CRACD: variants seen among roughly 807,000 people sequenced by gnomAD.
CRACD encodes capping protein inhibiting regulator of actin dynamics.
In CRACD, 56 loss-of-function variants were observed where a neutral mutation model predicts 106.8. The observed-to-expected ratio is 0.52, with a 90% CI of 0.42 to 0.66. The LOEUF (loss-of-function observed/expected upper bound fraction) is 0.66, where lower values mean the gene tolerates loss of function less well. CRACD is among the 30% of genes least tolerant of loss of function. The probability of loss-of-function intolerance (pLI) is 0.00; values close to 1 mark genes in which losing one functional copy is unlikely to be tolerated. For missense variants in CRACD, 1,730 were observed against 1,623.2 expected, an observed-to-expected ratio of 1.07 and a Z score of -1.13; for synonymous variants, 754 against 670.8, an observed-to-expected ratio of 1.12 and a Z score of -1.92.
chr4:56,207,324 G>A lies in CRACD; in HGVS notation c.-189+27894G>A, dbSNP rs570000663. Among the ~76,000 whole-genome samples the A allele has an allele frequency of 2.0e-5, 3 of 152,280 alleles. No homozygotes were observed. The East Asian group carries it at 5.8e-4, about 29-fold the overall frequency. On this transcript the variant is annotated intron_variant, in intron 2 of 10. Coordinates refer to ENST00000682029, the MANE Select transcript of CRACD (RefSeq NM_001393381.1). ...CCTTTACAGTAGAACCTGTTATGGA[G>A]CCTATGATGAGAGGTAAATTTCTAA...
At chr4:56,159,607 G>A (rs1279670889) in intron 1 of CRACD, among the ~76,000 whole-genome samples, 4 of 152,062 alleles carry the variant, frequency 2.6e-5, no homozygotes, top group South Asian at 2.1e-4. Context: ...AGCCAAGATC[G>A]TGCCACTGCA....
At chr4:56,050,995 T>G (rs1158055170) in intron 1 of CRACD, among the ~76,000 whole-genome samples, 1 of 152,196 alleles carries the variant, frequency 6.6e-6, no homozygotes, top group Non-Finnish European at 1.5e-5. Context: ...CTTCATAAAC[T>G]ACAAAGCACT....
At chr4:56,097,687 T>C (rs2109827641) in intron 1 of CRACD, among the ~76,000 whole-genome samples, 1 of 152,060 alleles carries the variant, frequency 6.6e-6, no homozygotes, top group African/African-American at 2.4e-5. Flanking sequence ...GGCTAAGAAA[T>C]TTGAGGACAA....
At chr4:56,251,239 G>T (rs1256589805) in intron 2 of CRACD, among the ~76,000 whole-genome samples, 1 of 152,128 alleles carries the variant, frequency 6.6e-6, no homozygotes, top group African/African-American at 2.4e-5. Flanking sequence ...TAGACATCAG[G>T]CTGAGAGTCG....
chr4:56,161,794 C>G (rs1466180725), intron 1 of CRACD, among the ~76,000 whole-genome samples: 1 of 145,068 alleles, frequency 6.9e-6, no homozygotes, highest in Non-Finnish European at 1.5e-5. Flanking sequence ...GATGGAGTCT[C>G]GCTCTGTTGC....
chr4:56,190,613 T>C (rs942502182), intron 2 of CRACD, among the ~76,000 whole-genome samples: 4 of 152,248 alleles, frequency 2.6e-5, no homozygotes, highest in East Asian at 1.9e-4. Context: ...AGAGGTGGGC[T>C]TCTATGGCCT....
intron 2 of CRACD, among the ~76,000 whole-genome samples, chr4:56,187,362 A>AG (rs1220760290): frequency 6.6e-6 from 1 of 152,006 alleles, no homozygotes; most frequent in Non-Finnish European, 1.5e-5. Flanking sequence ...CAGACACTCG[A>AG]GGGGGGCACA....
At chr4:56,166,187 G>A (rs1183647024) in intron 1 of CRACD, among the ~76,000 whole-genome samples, 2 of 152,136 alleles carry the variant, frequency 1.3e-5, no homozygotes, top group African/African-American at 4.8e-5. Context: ...TTGGAAGGCA[G>A]TTTGCATTCT....
At chr4:56,063,388 A>G (rs1732349069) in intron 1 of CRACD, among the ~76,000 whole-genome samples, 1 of 152,124 alleles carries the variant, frequency 6.6e-6, no homozygotes, top group South Asian at 2.1e-4. Context: ...TAAAATATAT[A>G]TAACAAAAAT....
intron 2 of CRACD, among the ~76,000 whole-genome samples, chr4:56,264,497 G>A (rs1314722714): frequency 9.9e-5 from 15 of 152,168 alleles, no homozygotes; most frequent in Admixed American, 9.2e-4. Flanking sequence ...CCAGGACCTG[G>A]TATTCCCTGA....
intron 2 of CRACD, among the ~76,000 whole-genome samples, chr4:56,201,370 C>G (rs79641838): frequency 0.015 from 2,260 of 152,206 alleles, 53 homozygotes; most frequent in East Asian, 0.052. Flanking sequence ...ATCTTTTGTT[C>G]CTGCATTCTA....
At chr4:56,063,914 C>A (rs1732371566) in intron 1 of CRACD, among the ~76,000 whole-genome samples, 1 of 152,128 alleles carries the variant, frequency 6.6e-6, no homozygotes, top group African/African-American at 2.4e-5. Context: ...TTTTGAGGAC[C>A]TGCTAAAGTG....
intron 1 of CRACD, among the ~76,000 whole-genome samples, chr4:56,060,918 T>C (rs540302636): frequency 2.0e-5 from 3 of 152,260 alleles, no homozygotes; most frequent in Non-Finnish European, 4.4e-5. Flanking sequence ...ATCTGCCAGC[T>C]CCTTGATCTT....
At chr4:56,125,646 G>A (rs1312941165) in intron 1 of CRACD, among the ~76,000 whole-genome samples, 2 of 151,852 alleles carry the variant, frequency 1.3e-5, no homozygotes, top group East Asian at 1.9e-4. Flanking sequence ...TGCATTCTTA[G>A]CCTCAAGTGA....
chr4:56,150,621 A>G (rs1162822323), intron 1 of CRACD, among the ~76,000 whole-genome samples: 1 of 152,216 alleles, frequency 6.6e-6, no homozygotes, highest in African/African-American at 2.4e-5. Flanking sequence ...ATTACCAGCT[A>G]AACAATATAG....
intron 2 of CRACD, among the ~76,000 whole-genome samples, chr4:56,268,557 C>A (rs1018409473): frequency 3.3e-5 from 5 of 152,076 alleles, no homozygotes; most frequent in South Asian, 2.1e-4. Flanking sequence ...AATAATTTTA[C>A]CTTGGAAATA....
rs1201216679 is a variant in CRACD, at chr4:56,314,276, G to A, written c.774G>A (p.Arg258=). Residue 258 remains arginine, a synonymous_variant, in exon 8 of 11, where the codon AGG becomes AGA. Coordinates refer to ENST00000682029, the MANE Select transcript of CRACD (RefSeq NM_001393381.1). The surrounding 1 kb of genome is among the most constrained non-coding windows in gnomAD (Gnocchi z 4.4). ...LEEQRLQALE[R]RLWEENRRQE... Reference sequence around the variant, plus strand: ...AGCAGAGGCTGCAGGCGCTGGAGAGGAGGCTTTGGGAAGAGAACAGAAGGC... The same window carrying A: ...AGCAGAGGCTGCAGGCGCTGGAGAGAAGGCTTTGGGAAGAGAACAGAAGGC... The A allele has an allele frequency of 1.3e-6, 2 of 1,560,188 alleles. No homozygotes were observed. The highest frequency in any genetic ancestry group is 1.7e-4 in the Middle Eastern group (1 of 5,978).
At chr4:56,258,101 A>G (rs1290690995) in intron 2 of CRACD, among the ~76,000 whole-genome samples, 5 of 152,074 alleles carry the variant, frequency 3.3e-5, no homozygotes, top group Non-Finnish European at 5.9e-5. Flanking sequence ...AAGAAAAAAG[A>G]AAAGAAACAT....
rs1050009760 is a variant in CRACD, at chr4:56,200,067, T to A, written c.-189+20637T>A. ...ACCAAATTCATTATAGCAAAACAGTTTCACCTTTATGTTGGTGATCACACT... is the reference window on the plus strand; with the variant it reads ...ACCAAATTCATTATAGCAAAACAGTATCACCTTTATGTTGGTGATCACACT... On this transcript the variant is annotated intron_variant, in intron 2 of 10. Transcript: ENST00000682029. Among the ~76,000 whole-genome samples, 3 of 151,536 alleles carry A rather than the reference T, an allele frequency of 2.0e-5. No homozygotes were observed. The East Asian group carries it at 5.8e-4, about 29-fold the overall frequency.
Sources: allele counts gnomAD v4.1 joint callset (sites outside exome capture counted in the v4.1 genomes callset), GRCh38; gene constraint gnomAD v4.1.1; non-coding constraint Gnocchi (gnomAD v3.1); transcripts MANE v1.5; gene names NCBI Gene and HGNC (gene_info 2026-07-23, HGNC 2026-07-21).